MTNAP1: variants seen among roughly 807,000 people sequenced by gnomAD.
The protein encoded by MTNAP1 is mitochondrial nucleoid-associated protein 1.
chr17:73,239,621 C>T, the MTNAP1 span, among the ~76,000 whole-genome samples: 1 of 151,086 alleles, frequency 6.6e-6, no homozygotes, highest in African/African-American at 2.4e-5. Flanking sequence ...CAGGTTCAAG[C>T]GATTCTCCTG....
the MTNAP1 span, among the ~76,000 whole-genome samples, chr17:73,234,157 T>G: frequency 6.6e-6 from 1 of 152,184 alleles, no homozygotes; most frequent in East Asian, 1.9e-4. Context: ...TGCTAGGTTT[T>G]TACATACAGC....
chr17:73,236,560 G>A, the MTNAP1 span: 1 of 1,614,170 alleles, frequency 6.2e-7, no homozygotes, highest in Non-Finnish European at 8.5e-7. Context: ...CATTCCGAGG[G>A]AGACGACTTA....
chr17:73,233,715 T>C, the MTNAP1 span, among the ~76,000 whole-genome samples: 1 of 152,022 alleles, frequency 6.6e-6, no homozygotes, highest in Non-Finnish European at 1.5e-5. Context: ...AATACTAAAA[T>C]TAGCTGGGCG....
the MTNAP1 span, chr17:73,248,715 G>C: frequency 1.5e-6 from 1 of 662,454 alleles, no homozygotes; most frequent in Non-Finnish European, 2.7e-6. Context: ...TGAATACCCC[G>C]GCTGTAACTC....
the MTNAP1 span, chr17:73,244,835 G>A: frequency 4.0e-5 from 8 of 201,908 alleles, no homozygotes; most frequent in East Asian, 6.1e-4. Context: ...GGATGGCCTC[G>A]CCGCCATCTC....
At chr17:73,239,467 G>A in the MTNAP1 span, among the ~76,000 whole-genome samples, 1 of 151,582 alleles carries the variant, frequency 6.6e-6, no homozygotes, top group Non-Finnish European at 1.5e-5. Context: ...AGCTCTGAGT[G>A]ACACCACTGT....
the MTNAP1 span, among the ~76,000 whole-genome samples, chr17:73,239,730 A>G: frequency 6.6e-6 from 1 of 151,816 alleles, no homozygotes; most frequent in Admixed American, 6.6e-5. Context: ...CATGTTGGCC[A>G]GGCTGGTCTC....
the MTNAP1 span, chr17:73,236,361 G>A: frequency 5.6e-6 from 9 of 1,614,072 alleles, no homozygotes; most frequent in African/African-American, 1.3e-5. Context: ...TCCAAGTCAT[G>A]GAGAAACAAG....
the MTNAP1 span, among the ~76,000 whole-genome samples, chr17:73,235,250 G>A: frequency 2.0e-5 from 3 of 151,432 alleles, no homozygotes; most frequent in Admixed American, 6.6e-5. Context: ...ATAACCTTTG[G>A]TTCCTGGCCT....
chr17:73,242,844 C>A, the MTNAP1 span: 1 of 1,450,982 alleles, frequency 6.9e-7, no homozygotes, highest in Non-Finnish European at 9.6e-7. Flanking sequence ...CTCGCGGATA[C>A]TGGCCCTAGT....
chr17:73,236,061 A>G, the MTNAP1 span: 1 of 1,614,132 alleles, frequency 6.2e-7, no homozygotes, highest in Non-Finnish European at 8.5e-7. Context: ...CCTCAACTCT[A>G]CCTAATGATG....
chr17:73,248,001 T>C, the MTNAP1 span: 1 of 154,816 alleles, frequency 6.5e-6, no homozygotes, highest in Admixed American at 6.4e-5. Flanking sequence ...ATGTTCAGAA[T>C]AGTTTAAGAG....
the MTNAP1 span, among the ~76,000 whole-genome samples, chr17:73,241,028 G>A: frequency 1.3e-5 from 2 of 152,212 alleles, no homozygotes; most frequent in Non-Finnish European, 2.9e-5. Flanking sequence ...TAAACCTGTT[G>A]TCGGTGTTTA....
chr17:73,241,319 G>A, the MTNAP1 span, among the ~76,000 whole-genome samples: 5 of 151,972 alleles, frequency 3.3e-5, no homozygotes, highest in East Asian at 1.9e-4. Flanking sequence ...CACCACGCCC[G>A]GCTAATTTTT....
At chr17:73,247,689 T>A in the MTNAP1 span, 2 of 186,858 alleles carry the variant, frequency 1.1e-5, no homozygotes, top group African/African-American at 4.7e-5. Flanking sequence ...GGTGAGATCC[T>A]GTATTAATAA....
At chr17:73,244,580 A>C in the MTNAP1 span, 1 of 151,324 alleles carries the variant, frequency 6.6e-6, no homozygotes, top group African/African-American at 2.4e-5. Context: ...AAAAAAAAAA[A>C]AAACCACCAG....
the MTNAP1 span, among the ~76,000 whole-genome samples, chr17:73,241,406 C>T: frequency 6.6e-6 from 1 of 152,172 alleles, no homozygotes; most frequent in Non-Finnish European, 1.5e-5. Context: ...GATCCACCCA[C>T]CTCAGCCTCC....
chr17:73,237,385 A>G, the MTNAP1 span, among the ~76,000 whole-genome samples: 1 of 152,094 alleles, frequency 6.6e-6, no homozygotes, highest in Non-Finnish European at 1.5e-5. Flanking sequence ...CAGTGAGCCG[A>G]GTATGTGCCA....
chr17:73,237,946 A>C, the MTNAP1 span, among the ~76,000 whole-genome samples: 1 of 152,228 alleles, frequency 6.6e-6, no homozygotes, highest in Non-Finnish European at 1.5e-5. Context: ...GGCCACAGAG[A>C]CTAGGACCCA....
Sources: allele counts gnomAD v4.1 joint callset (sites outside exome capture counted in the v4.1 genomes callset), GRCh38; gene constraint gnomAD v4.1.1; transcripts MANE v1.5; gene names NCBI Gene and HGNC (gene_info 2026-07-23, HGNC 2026-07-21).